ABCA9: variants seen among roughly 807,000 people sequenced by gnomAD.
ABCA9 encodes the protein ATP-binding cassette sub-family A member 9.
In ABCA9, 183 loss-of-function variants were observed where a neutral mutation model predicts 205.3. The observed-to-expected ratio is 0.89, with a 90% CI of 0.79 to 1.01. The LOEUF is 1.01. Ranked by LOEUF, ABCA9 falls within the 50% of genes least tolerant of loss-of-function variation. The pLI is 0.00. For missense variants in ABCA9, 1,805 were observed against 1,912.4 expected, an observed-to-expected ratio of 0.94 and a Z score of 1.05; for synonymous variants, 651 against 683.3, an observed-to-expected ratio of 0.95 and a Z score of 0.74.
At chr17:69,009,528 T>C (rs2070291663) in intron 23 of ABCA9, among the ~76,000 whole-genome samples, 1 of 152,198 alleles carries the variant, frequency 6.6e-6, no homozygotes, top group Non-Finnish European at 1.5e-5. Flanking sequence ...AGATCACTCA[T>C]GGCTTTCAGA....
At chr17:68,988,159 C>T (rs184884191) in intron 31 of ABCA9, among the ~76,000 whole-genome samples, 2 of 152,270 alleles carry the variant, frequency 1.3e-5, no homozygotes, top group Admixed American at 6.5e-5. Flanking sequence ...CGCCACTGTG[C>T]GACCTTCCTT....
rs1052255161 is a variant in ABCA9, at chr17:68,992,828, G to T, written c.3624+188C>A. The T allele has an allele frequency of 2.8e-5, 12 of 435,138 alleles. No individual in the cohort carries two copies. In the African/African-American group the frequency reaches 3.7e-4, roughly 14 times the overall value. The allele number at this position is 435,138 out of a possible 1,614,324, so 27.0% of individuals were successfully genotyped here. ...AACTCTGTCTCAAAAAAAAAAAAGG[G>T]GGGGGGTCCAGGTTAAAAGCCATCG... On this transcript the variant is annotated intron_variant, in intron 27 of 38. Coordinates refer to ENST00000340001, the MANE Select transcript of ABCA9 (RefSeq NM_080283.4).
chr17:69,076,169 T>G, the ABCA9 span, among the ~76,000 whole-genome samples: 1 of 152,188 alleles, frequency 6.6e-6, no homozygotes, highest in Non-Finnish European at 1.5e-5. Context: ...CATTGATGTT[T>G]CCTATTATTT....
the ABCA9 span, among the ~76,000 whole-genome samples, chr17:69,068,313 C>T: frequency 1.3e-5 from 2 of 152,134 alleles, no homozygotes; most frequent in Non-Finnish European, 2.9e-5. Flanking sequence ...GATATCAAGC[C>T]AGTTACTTTT....
At chr17:69,077,755 A>G in the ABCA9 span, among the ~76,000 whole-genome samples, 1 of 152,080 alleles carries the variant, frequency 6.6e-6, no homozygotes, top group South Asian at 2.1e-4. Context: ...ATTATGTACA[A>G]TATGTGAACA....
At chr17:68,998,972 A>G (rs2069732400) in intron 25 of ABCA9, among the ~76,000 whole-genome samples, 1 of 151,890 alleles carries the variant, frequency 6.6e-6, no homozygotes, top group Non-Finnish European at 1.5e-5. Flanking sequence ...ATACTTTATT[A>G]ATTTCTTTCT....
chr17:69,009,454 G>A (rs2070289272), intron 23 of ABCA9, among the ~76,000 whole-genome samples: 1 of 152,272 alleles, frequency 6.6e-6, no homozygotes, highest in African/African-American at 2.4e-5. Context: ...AGCCAGTGTG[G>A]CTGGAGCATG....
intron 24 of ABCA9, 40 bp from the exon 25 acceptor site, chr17:69,007,912 A>G (rs1567936789): frequency 4.8e-6 from 7 of 1,468,248 alleles, no homozygotes; most frequent in African/African-American, 1.4e-5. Flanking sequence ...GGTAAATACT[A>G]TCTAGAAGAG....
chr17:69,043,572 G>A lies in ABCA9; in HGVS notation c.717C>T (p.Tyr239=), dbSNP rs1467497308. The A allele has an allele frequency of 2.2e-5, 35 of 1,611,962 alleles. No individual in the cohort carries two copies. The highest frequency in any genetic ancestry group is 3.0e-5 in the Non-Finnish European group (35 of 1,178,700). ...CTTGTGTAACATTGACTGATACATA[G>A]TATATAAATGTAGAAAAAGAAATAA... ...FCIISFSTFI[Y]YVSVNVTQER... is the part of the protein sequence containing the mutation. The change falls in exon 6 of 39, where the codon TAC becomes TAT. Residue 239 remains tyrosine, a synonymous_variant. Transcript: ENST00000340001.
At chr17:68,984,361 G>A (rs1010942792) in intron 34 of ABCA9, among the ~76,000 whole-genome samples, 186 bp from the exon 35 acceptor site, 2 of 152,068 alleles carry the variant, frequency 1.3e-5, no homozygotes, top group Non-Finnish European at 2.9e-5. Context: ...AATTCAGAAC[G>A]TAGAAAATGA....
intron 17 of ABCA9, among the ~76,000 whole-genome samples, chr17:69,022,780 G>A (rs556916985): frequency 6.6e-6 from 1 of 152,058 alleles, no homozygotes; most frequent in Admixed American, 6.5e-5. Flanking sequence ...TGAAAATTCA[G>A]GAAAACTGAA....
chr17:69,052,326 C>T (rs370567581), intron 1 of ABCA9, among the ~76,000 whole-genome samples: 2 of 152,078 alleles, frequency 1.3e-5, no homozygotes, highest in African/African-American at 4.8e-5. Flanking sequence ...AGTGAACCAT[C>T]TTCATGCTAC....
intron 25 of ABCA9, among the ~76,000 whole-genome samples, chr17:69,005,492 G>A (rs2070094017): frequency 6.6e-6 from 1 of 152,136 alleles, no homozygotes; most frequent in Admixed American, 6.5e-5. Context: ...TGTTAACTCA[G>A]TCACTCATGT....
intron 19 of ABCA9, 144 bp from the exon 20 acceptor site, chr17:69,018,723 G>T: frequency 1.6e-6 from 1 of 635,612 alleles, no homozygotes; most frequent in Non-Finnish European, 2.5e-6. Flanking sequence ...CCACTTCCTT[G>T]TTTCTAAAAT....
chr17:69,007,703 C>T lies in ABCA9; in HGVS notation c.3435+56G>A, dbSNP rs564018717. On this transcript the variant is annotated intron_variant, in intron 25 of 38. Coordinates refer to ENST00000340001, the MANE Select transcript of ABCA9 (RefSeq NM_080283.4). ...CACTCTGCTTAGCACAAAGATTAAA[C>T]ATGTTCTTGGATTTATGAAAAATGG... 7.0e-6 allele frequency: 8 copies of T among 1,142,098 alleles called. No homozygotes were observed. The African/African-American group carries it at 1.1e-4, about 15-fold the overall frequency. The allele number at this position is 1,142,098 out of a possible 1,614,324, so 70.7% of individuals were successfully genotyped here.
In ABCA9 at chr17:68,982,552, T is replaced by A. The variant is rs755091446; in HGVS notation, c.4720+10A>T. The stretch of plus-strand genomic sequence containing the variant: ...TTCCCAGAGTTTTGTCTCTAAACAG[T>A]CACTCTTACCTATCTCTAATTTGAA... On this transcript the variant is annotated intron_variant, in intron 37 of 38. Coordinates refer to ENST00000340001, the MANE Select transcript of ABCA9 (RefSeq NM_080283.4). The A allele has an allele frequency of 6.2e-7, 1 of 1,608,620 alleles. No individual in the cohort carries two copies.
At chr17:68,995,610 G>A (rs1244636762) in intron 26 of ABCA9, among the ~76,000 whole-genome samples, 1 of 151,988 alleles carries the variant, frequency 6.6e-6, no homozygotes, top group Non-Finnish European at 1.5e-5. Context: ...ACAAAAAAGG[G>A]GCATCTCTTT....
At chr17:69,039,408 T>C (rs949745353) in intron 6 of ABCA9, among the ~76,000 whole-genome samples, 1 of 152,124 alleles carries the variant, frequency 6.6e-6, no homozygotes, top group East Asian at 1.9e-4. Flanking sequence ...ACTGCACATC[T>C]ATAGCCATCT....
rs1042156167 is a variant in ABCA9, at chr17:69,012,897, C to A, written c.3040-814G>T. Among the ~76,000 whole-genome samples the A allele has an allele frequency of 4.6e-5, 7 of 152,246 alleles. No individual in the cohort carries two copies. In the South Asian group the frequency reaches 8.3e-4, roughly 18 times the overall value. On this transcript the variant is annotated intron_variant, in intron 22 of 38. Coordinates refer to ENST00000340001, the MANE Select transcript of ABCA9 (RefSeq NM_080283.4). ...CACTCCCTTTCCCAGCCTCTGGTAACCATCATTTGACTACGTCCATGAGTT... is the reference window on the plus strand; with the variant it reads ...CACTCCCTTTCCCAGCCTCTGGTAAACATCATTTGACTACGTCCATGAGTT...
Sources: allele counts gnomAD v4.1 joint callset (sites outside exome capture counted in the v4.1 genomes callset), GRCh38; gene constraint gnomAD v4.1.1; transcripts MANE v1.5; gene names NCBI Gene and HGNC (gene_info 2026-07-23, HGNC 2026-07-21).